MBNL2: variants seen among roughly 807,000 people sequenced by gnomAD.
MBNL2 encodes muscleblind-like protein 2.
Under a neutral mutation model 41.9 loss-of-function variants are expected in MBNL2, and 17 were observed. The observed-to-expected ratio is 0.41, with a 90% confidence interval of 0.28 to 0.61. The LOEUF (loss-of-function observed/expected upper bound fraction) is 0.61, where lower values mean the gene tolerates loss of function less well. Ranked by LOEUF, MBNL2 falls within the 20% of genes least tolerant of loss-of-function variation. The pLI is 0.35. For missense variants in MBNL2, 336 were observed against 505.6 expected (o/e 0.66, Z 3.22); for synonymous variants, 195 against 182.9 (o/e 1.07, Z -0.53).
At chr13:97,200,209 G>C in the MBNL2 span, among the ~76,000 whole-genome samples, 1 of 152,188 alleles carries the variant, frequency 6.6e-6, no homozygotes, top group African/African-American at 2.4e-5. Flanking sequence ...TCCAGGCCTT[G>C]GAGAGGTGTA....
chr13:97,177,354 G>T, the MBNL2 span, among the ~76,000 whole-genome samples: 62 of 152,182 alleles, frequency 4.1e-4, 1 homozygote, highest in African/African-American at 1.5e-3. Flanking sequence ...AGAAAAAAGA[G>T]AAATAAGAGA....
intron 8 of MBNL2, among the ~76,000 whole-genome samples, chr13:97,365,810 T>G (rs1207311677): frequency 6.6e-6 from 1 of 152,168 alleles, no homozygotes; most frequent in Non-Finnish European, 1.5e-5. Flanking sequence ...ATTAGATCTA[T>G]TTAGAGTCAA....
intron 1 of MBNL2, among the ~76,000 whole-genome samples, chr13:97,274,928 CCTGCA>C (rs1421021072): frequency 3.3e-5 from 5 of 152,166 alleles, no homozygotes; most frequent in African/African-American, 1.2e-4. Context: ...AATTTACATT[CCTGCA>C]CTTAGTCATC....
At chr13:97,257,007 C>T (rs1199326444) in intron 1 of MBNL2, among the ~76,000 whole-genome samples, 1 of 152,120 alleles carries the variant, frequency 6.6e-6, no homozygotes, top group Non-Finnish European at 1.5e-5. Flanking sequence ...ACTGTATTGG[C>T]AAAATAATAC....
chr13:97,297,468 A>G (rs2057172821), intron 2 of MBNL2, among the ~76,000 whole-genome samples: 1 of 152,108 alleles, frequency 6.6e-6, no homozygotes, highest in South Asian at 2.1e-4. Flanking sequence ...ACATCTCATC[A>G]GACTTGACTG....
intron 8 of MBNL2, among the ~76,000 whole-genome samples, chr13:97,381,012 A>AT (rs2065400851): frequency 6.6e-6 from 1 of 151,222 alleles, no homozygotes; most frequent in Non-Finnish European, 1.5e-5. Flanking sequence ...ACTCTTTTTG[A>AT]TTTTTCCTTT....
chr13:97,198,449 G>A, the MBNL2 span, among the ~76,000 whole-genome samples: 41 of 150,782 alleles, frequency 2.7e-4, no homozygotes, highest in African/African-American at 9.2e-4. Flanking sequence ...ATGGAGGCTG[G>A]CAAGCCCCAA....
chr13:97,306,204 T>C (rs1360466692), intron 2 of MBNL2, among the ~76,000 whole-genome samples: 1 of 152,216 alleles, frequency 6.6e-6, no homozygotes, highest in Non-Finnish European at 1.5e-5. Context: ...ATGACAGAAT[T>C]GTCCAGTCTT....
At chr13:97,370,452 C>G (rs2064254540) in intron 8 of MBNL2, among the ~76,000 whole-genome samples, 1 of 152,076 alleles carries the variant, frequency 6.6e-6, no homozygotes, top group South Asian at 2.1e-4. Flanking sequence ...GGCAGATCAC[C>G]TGAGGTTGGG....
intron 2 of MBNL2, among the ~76,000 whole-genome samples, chr13:97,324,885 G>C (rs1184547615): frequency 6.6e-6 from 1 of 152,216 alleles, no homozygotes; most frequent in African/African-American, 2.4e-5. Flanking sequence ...TCAGCAGGTT[G>C]TTCATTCCAC....
the MBNL2 span, among the ~76,000 whole-genome samples, chr13:97,195,348 G>A: frequency 1.3e-5 from 2 of 152,050 alleles, no homozygotes; most frequent in East Asian, 1.9e-4. Flanking sequence ...ACTGTGGCAT[G>A]GCCCCCTATT....
chr13:97,198,718 AC>A, the MBNL2 span, among the ~76,000 whole-genome samples: 1 of 152,032 alleles, frequency 6.6e-6, no homozygotes, highest in Non-Finnish European at 1.5e-5. Flanking sequence ...AATCCTTGGA[AC>A]CATCATTGGC....
chr13:97,277,872 T>G (rs1594136294), intron 2 of MBNL2, among the ~76,000 whole-genome samples: 3 of 152,318 alleles, frequency 2.0e-5, no homozygotes, highest in African/African-American at 7.2e-5. Flanking sequence ...AGCATGGTTA[T>G]ATGTTAGTAT....
intron 2 of MBNL2, among the ~76,000 whole-genome samples, chr13:97,300,821 G>A (rs887273604): frequency 6.6e-6 from 1 of 152,186 alleles, no homozygotes; most frequent in African/African-American, 2.4e-5. Flanking sequence ...AATTATACCT[G>A]TAACTGGCCT....
the MBNL2 span, among the ~76,000 whole-genome samples, chr13:97,182,910 C>T: frequency 2.7e-3 from 417 of 152,234 alleles, no homozygotes; most frequent in Middle Eastern, 0.014. Context: ...AGAATAAATG[C>T]TCATTATGAG....
chr13:97,349,422 A>G (rs1474528579), intron 5 of MBNL2, among the ~76,000 whole-genome samples: 1 of 152,064 alleles, frequency 6.6e-6, no homozygotes, highest in Non-Finnish European at 1.5e-5. Flanking sequence ...ATAGGAAGCA[A>G]ATTTTTTTTT....
upstream of MBNL2, among the ~76,000 whole-genome samples, chr13:97,219,799 G>GT (rs1166185322): frequency 5.3e-5 from 8 of 152,280 alleles, no homozygotes; most frequent in East Asian, 1.5e-3. Flanking sequence ...TTAGACTTTT[G>GT]TTTTTTAATT....
At chr13:97,168,067 G>A in the MBNL2 span, among the ~76,000 whole-genome samples, 4 of 152,062 alleles carry the variant, frequency 2.6e-5, no homozygotes, top group African/African-American at 4.8e-5. Context: ...CCAGTTTCAC[G>A]TGATTCTCCT....
At chr13:97,166,392 C>A in the MBNL2 span, among the ~76,000 whole-genome samples, 1 of 152,110 alleles carries the variant, frequency 6.6e-6, no homozygotes, top group East Asian at 1.9e-4. Flanking sequence ...TGAGAAGACA[C>A]ATGTGATGGT....
Sources: gnomAD v4.1 joint callset for allele counts (sites outside exome capture counted in the v4.1 genomes callset) on GRCh38, gnomAD v4.1.1 for gene constraint, MANE v1.5 for transcripts, NCBI Gene and HGNC (gene_info 2026-07-23, HGNC 2026-07-21) for gene names.